Variants in TBC1D32 observed in about 807,000 individuals in gnomAD.
TBC1D32 encodes TBC1 domain family member 32.
Under a neutral mutation model 170.3 loss-of-function variants are expected in TBC1D32, and 151 were observed. The ratio of observed to expected loss-of-function variants is 0.89; its 90% confidence interval spans 0.78 to 1.01. TBC1D32 has a LOEUF of 1.01. TBC1D32 is among the 50% of genes least tolerant of loss of function. The pLI is 0.00. For missense variants in TBC1D32, 1,464 were observed against 1,457.1 expected (o/e 1.00, Z -0.08); for synonymous variants, 498 against 488.0 (o/e 1.02, Z -0.27).
rs762919498 is a variant in TBC1D32, at chr6:121,115,241, G to T, written c.2984C>A (p.Ala995Asp). ...ECYFPSVEYTATDANVKNESL... is the reference protein window; with the variant it reads ...ECYFPSVEYTDTDANVKNESL... ...TTCATTCTTCACATTTGCATCAGTA[G>T]CTAAAGACAACAGAAAACTGAGTTA... Residue 995 changes from alanine to aspartate, a missense_variant and splice_region_variant, in exon 27 of 32, where the codon GCT becomes GAT. Physicochemically the swap from Ala to Asp is moderately radical, Grantham distance 126 (BLOSUM62 -2). Coordinates refer to ENST00000398212, the MANE Select transcript of TBC1D32 (RefSeq NM_152730.6). 3 of 1,590,868 alleles carry T rather than the reference G, an allele frequency of 1.9e-6. No homozygotes were observed. The East Asian group carries it at 6.8e-5, about 36-fold the overall frequency.
upstream of TBC1D32, chr6:121,334,536 C>A: frequency 2.9e-6 from 4 of 1,374,244 alleles, no homozygotes; most frequent in South Asian, 4.3e-5. Context: ...CGTGCGGCGT[C>A]GTTCCCAGGG....
intron 22 of TBC1D32, among the ~76,000 whole-genome samples, chr6:121,181,804 C>T (rs1378943347): frequency 6.6e-6 from 1 of 152,060 alleles, no homozygotes; most frequent in Non-Finnish European, 1.5e-5. Context: ...AAAAAGAATG[C>T]AATCCTCTCA....
chr6:121,241,670 T>C, intron 18 of TBC1D32, 118 bp from the exon 19 acceptor site: 6 of 864,976 alleles, frequency 6.9e-6, no homozygotes, highest in Non-Finnish European at 9.1e-6. Context: ...TTTAAAATCA[T>C]ACCTAAGATC....
At chr6:121,245,382 G>A (rs1402300029) in intron 17 of TBC1D32, among the ~76,000 whole-genome samples, 1 of 152,126 alleles carries the variant, frequency 6.6e-6, no homozygotes, top group Non-Finnish European at 1.5e-5. Flanking sequence ...CAGCTCTCAG[G>A]AAGTCCCATT....
chr6:121,221,047 A>C (rs4498397), intron 21 of TBC1D32, among the ~76,000 whole-genome samples: 100,065 of 152,046 alleles, frequency 0.66, 38,102 homozygotes, highest in Non-Finnish European at 0.85. Context: ...AAGCATCAAA[A>C]GACAGGCGAA....
chr6:121,229,172 C>T (rs1338583063), intron 20 of TBC1D32, among the ~76,000 whole-genome samples: 1 of 152,086 alleles, frequency 6.6e-6, no homozygotes, highest in African/African-American at 2.4e-5. Context: ...CCTACAATTA[C>T]CTCGCCTGCC....
At chr6:121,288,035 C>T (rs1804167181) in intron 12 of TBC1D32, among the ~76,000 whole-genome samples, 1 of 151,972 alleles carries the variant, frequency 6.6e-6, no homozygotes, top group Non-Finnish European at 1.5e-5. Flanking sequence ...CTCTAAATGC[C>T]CACAAGAGAA....
chr6:121,267,487 A>G (rs1800693933), intron 15 of TBC1D32, among the ~76,000 whole-genome samples: 1 of 152,148 alleles, frequency 6.6e-6, no homozygotes, highest in Admixed American at 6.5e-5. Context: ...CCTGGCTTGG[A>G]GGGTCCCAAG....
intron 22 of TBC1D32, chr6:121,170,357 A>G: frequency 2.0e-6 from 3 of 1,509,070 alleles, no homozygotes; most frequent in East Asian, 2.4e-5. Flanking sequence ...TTAACAAAAC[A>G]TCTCTAAAGA....
At chr6:121,321,842 T>G (rs763315634) in intron 1 of TBC1D32, 48 bp from the exon 2 acceptor site, 1 of 1,495,574 alleles carries the variant, frequency 6.7e-7, no homozygotes, top group Non-Finnish European at 9.0e-7. Flanking sequence ...CATAAGCATA[T>G]TCAGAAAAAA....
chr6:121,193,159 G>T (rs1301375031), intron 22 of TBC1D32, among the ~76,000 whole-genome samples: 1 of 152,194 alleles, frequency 6.6e-6, no homozygotes, highest in African/African-American at 2.4e-5. Flanking sequence ...GGATCAGGCT[G>T]AATTTATTGA....
intron 22 of TBC1D32, among the ~76,000 whole-genome samples, chr6:121,182,120 A>G (rs897940355): frequency 4.2e-4 from 64 of 152,090 alleles, no homozygotes; most frequent in African/African-American, 1.4e-3. Flanking sequence ...AAGTAAACCA[A>G]AGAAGTAAAC....
At chr6:121,190,696 A>G (rs1323753707) in intron 22 of TBC1D32, among the ~76,000 whole-genome samples, 2 of 152,196 alleles carry the variant, frequency 1.3e-5, no homozygotes, top group East Asian at 3.9e-4. Context: ...GAAACATGAT[A>G]ACTCTCTGGT....
intron 30 of TBC1D32, among the ~76,000 whole-genome samples, chr6:121,093,790 T>C (rs761152435): frequency 6.6e-6 from 1 of 152,128 alleles, no homozygotes; most frequent in African/African-American, 2.4e-5. Context: ...TTCCATCACA[T>C]GGGAGGGAAA....
At chr6:121,268,418 T>C (rs1318879382) in intron 15 of TBC1D32, among the ~76,000 whole-genome samples, 1 of 152,140 alleles carries the variant, frequency 6.6e-6, no homozygotes, top group African/African-American at 2.4e-5. Context: ...AGATCTTAAA[T>C]GACCTGATGG....
chr6:121,141,530 C>G (rs1363658592), intron 24 of TBC1D32, among the ~76,000 whole-genome samples: 1 of 151,990 alleles, frequency 6.6e-6, no homozygotes, highest in Non-Finnish European at 1.5e-5. Context: ...TACCAAATGG[C>G]CAAAAAGCAC....
chr6:121,197,587 G>A (rs915301310), intron 22 of TBC1D32, among the ~76,000 whole-genome samples: 1 of 152,080 alleles, frequency 6.6e-6, no homozygotes, highest in African/African-American at 2.4e-5. Flanking sequence ...CTTCATATCA[G>A]CATTTAAGTA....
intron 15 of TBC1D32, among the ~76,000 whole-genome samples, chr6:121,261,059 CCCT>C (rs1799701419): frequency 6.6e-6 from 1 of 152,128 alleles, no homozygotes; most frequent in Non-Finnish European, 1.5e-5. Context: ...GCTGACTCAA[CCCT>C]CCTCACTGGG....
At chr6:121,085,336 C>T (rs949050550) in intron 31 of TBC1D32, among the ~76,000 whole-genome samples, 42 of 126,158 alleles carry the variant, frequency 3.3e-4, no homozygotes, top group African/African-American at 1.5e-3. Flanking sequence ...TATATACATA[C>T]ATATATATAC....
Sources: gnomAD v4.1 joint callset for allele counts (sites outside exome capture counted in the v4.1 genomes callset) on GRCh38, gnomAD v4.1.1 for gene constraint, MANE v1.5 for transcripts, NCBI Gene and HGNC (gene_info 2026-07-23, HGNC 2026-07-21) for gene names.